Variants in MDGA2 observed in about 807,000 individuals in gnomAD.
MDGA2 encodes the protein MAM domain-containing glycosylphosphatidylinositol anchor protein 2.
Under a neutral mutation model 117.8 loss-of-function variants are expected in MDGA2, and 40 were observed. That is an observed-to-expected ratio of 0.34 (90% CI 0.26 to 0.44). MDGA2 has a LOEUF of 0.44. Among genes scored for constraint, MDGA2 ranks in the 20% least tolerant of loss-of-function variants. The probability of loss-of-function intolerance (pLI) is 1.00; values close to 1 mark genes in which losing one functional copy is unlikely to be tolerated. For synonymous variants in MDGA2, 452 were observed against 439.0 expected (o/e 1.03, Z -0.37); for missense variants, 1,123 against 1,250.6 (o/e 0.90, Z 1.54).
intron 1 of MDGA2, among the ~76,000 whole-genome samples, chr14:47,460,531 G>A (rs919829202): frequency 2.6e-5 from 4 of 152,014 alleles, no homozygotes; most frequent in Admixed American, 6.6e-5. Flanking sequence ...ATAAAAAAGG[G>A]AAAAAGATAT....
intron 15 of MDGA2, 127 bp downstream of exon 15, chr14:46,854,897 T>C: frequency 1.3e-6 from 1 of 790,230 alleles, no homozygotes. Flanking sequence ...CAAAACCTAA[T>C]CATATAATTT....
chr14:47,376,160 T>C (rs1429651434), intron 1 of MDGA2, among the ~76,000 whole-genome samples: 1 of 152,196 alleles, frequency 6.6e-6, no homozygotes, highest in African/African-American at 2.4e-5. Flanking sequence ...GTCTTTATTT[T>C]ATACCTACTA....
chr14:47,555,714 A>G (rs1191865340), intron 1 of MDGA2, among the ~76,000 whole-genome samples: 1 of 152,202 alleles, frequency 6.6e-6, no homozygotes, highest in Non-Finnish European at 1.5e-5. Context: ...TCCACCTCCC[A>G]CAATTAAATA....
At chr14:47,108,256 GC>G (rs1566629137) in intron 5 of MDGA2, among the ~76,000 whole-genome samples, 1 of 151,974 alleles carries the variant, frequency 6.6e-6, no homozygotes, top group Non-Finnish European at 1.5e-5. Flanking sequence ...AATTTTCGCC[GC>G]CCCAACACTT....
chr14:47,583,237 G>C (rs1430257038), intron 1 of MDGA2, among the ~76,000 whole-genome samples: 1 of 151,794 alleles, frequency 6.6e-6, no homozygotes, highest in African/African-American at 2.4e-5. Context: ...AGAATGACGT[G>C]AGGGAGAATG....
At chr14:47,179,020 T>C (rs1467650405) in intron 3 of MDGA2, among the ~76,000 whole-genome samples, 1 of 152,108 alleles carries the variant, frequency 6.6e-6, no homozygotes, top group Non-Finnish European at 1.5e-5. Context: ...CACCAGGGAC[T>C]TTGGTAGATA....
chr14:46,932,211 G>A (rs930941913), intron 9 of MDGA2, among the ~76,000 whole-genome samples: 8 of 151,620 alleles, frequency 5.3e-5, no homozygotes, highest in Non-Finnish European at 1.0e-4. Flanking sequence ...AAGAACGATA[G>A]TAATTAAAAT....
chr14:46,938,680 T>C (rs1266473394), intron 9 of MDGA2, among the ~76,000 whole-genome samples: 1 of 151,822 alleles, frequency 6.6e-6, no homozygotes, highest in Non-Finnish European at 1.5e-5. Context: ...TAAATTAATA[T>C]AGCCACTACA....
chr14:47,153,769 TAAAG>T (rs2139240166), intron 3 of MDGA2, among the ~76,000 whole-genome samples: 1 of 147,182 alleles, frequency 6.8e-6, no homozygotes, highest in African/African-American at 2.5e-5. Context: ...GAAAAAGTGA[TAAAG>T]AAGAAGAGAG....
At chr14:47,307,352 C>T (rs1189558086) in intron 1 of MDGA2, among the ~76,000 whole-genome samples, 2 of 152,130 alleles carry the variant, frequency 1.3e-5, no homozygotes, top group Admixed American at 1.3e-4. Flanking sequence ...ACATCTTCCT[C>T]ATTAGCCTAG....
intron 1 of MDGA2, among the ~76,000 whole-genome samples, chr14:47,408,447 G>A (rs1170256523): frequency 6.6e-6 from 1 of 152,170 alleles, no homozygotes; most frequent in Non-Finnish European, 1.5e-5. Context: ...AAGGAGGTGA[G>A]GCAGAGGGGG....
chr14:47,067,708 C>CA (rs1397607309), intron 6 of MDGA2, among the ~76,000 whole-genome samples: 1 of 152,158 alleles, frequency 6.6e-6, no homozygotes, highest in Admixed American at 6.5e-5. Flanking sequence ...TTAAATGCAT[C>CA]AGCTTTTGTA....
chr14:47,539,416 C>A (rs1895291977), intron 1 of MDGA2, among the ~76,000 whole-genome samples: 1 of 152,124 alleles, frequency 6.6e-6, no homozygotes, highest in African/African-American at 2.4e-5. Flanking sequence ...AAAGGAGAAA[C>A]ACTTGGAGGG....
chr14:47,578,642 AG>A (rs1826258778), intron 1 of MDGA2, among the ~76,000 whole-genome samples: 2 of 152,158 alleles, frequency 1.3e-5, no homozygotes, highest in African/African-American at 4.8e-5. Flanking sequence ...AAAACAGCAG[AG>A]TTAATATTTT....
chr14:47,464,100 TACAC>T (rs71449610), intron 1 of MDGA2, among the ~76,000 whole-genome samples: 10,020 of 141,430 alleles, frequency 0.071, 347 homozygotes, highest in Non-Finnish European at 0.081. Context: ...ACTTACTATG[TACAC>T]ACACACACAC....
In MDGA2 at chr14:47,028,009, TTTC is replaced by T. The variant is rs1706487310; in HGVS notation, c.1819+6999_1819+7001del. Among the ~76,000 whole-genome samples the T allele has an allele frequency of 2.6e-5, 4 of 152,246 alleles. No individual in the cohort carries two copies. In the South Asian group the frequency reaches 8.3e-4, roughly 32 times the overall value. On this transcript the variant is annotated intron_variant, in intron 8 of 16. Transcript: ENST00000399232. Reference sequence around the variant, plus strand: ...TAATACATTGTTTCTATATACATTGTTTCTTCTTTTTTAAGATAAGATCTTAAC... The same window carrying T: ...TAATACATTGTTTCTATATACATTGTTTCTTTTTTAAGATAAGATCTTAAC...
chr14:47,296,598 A>G (rs910599108), intron 2 of MDGA2, among the ~76,000 whole-genome samples: 5 of 152,362 alleles, frequency 3.3e-5, no homozygotes, highest in African/African-American at 1.2e-4. Context: ...AGTGTAATTT[A>G]CTTTCTTGAA....
Position 47,343,017 on chromosome 14 carries a change from C to T in MDGA2, c.281-41467G>A, listed in dbSNP as rs1890677250. ...AATGCTACCTCAGGGGAGTCAGCCA[C>T]AGAGTGGGAGAAGCAGGCAGCACTA... On this transcript the variant is annotated intron_variant, in intron 1 of 16. Coordinates refer to ENST00000399232, the MANE Select transcript of MDGA2 (RefSeq NM_001113498.3). The T allele has an allele frequency of 2.4e-6, 3 of 1,252,410 alleles. No individual in the cohort carries two copies. The Admixed American group carries it at 6.9e-5, about 29-fold the overall frequency. 77.6% of individuals were successfully genotyped at this position (1,252,410 alleles called of 1,614,324 possible). A position where few individuals can be genotyped will look rare whatever the true frequency, so the allele number is the denominator to read the frequency against.
intron 2 of MDGA2, among the ~76,000 whole-genome samples, chr14:47,296,948 T>C (rs1210951235): frequency 6.6e-6 from 1 of 152,164 alleles, no homozygotes; most frequent in East Asian, 1.9e-4. Flanking sequence ...GTTCAAACTT[T>C]AGTGGACATC....
Sources: allele counts gnomAD v4.1 joint callset (sites outside exome capture counted in the v4.1 genomes callset), GRCh38; gene constraint gnomAD v4.1.1; transcripts MANE v1.5; gene names NCBI Gene and HGNC (gene_info 2026-07-23, HGNC 2026-07-21).